The following SLC10A7 variants were observed in gnomAD, a reference collection of about 807,000 sequenced individuals.
SLC10A7 encodes solute carrier family 10 member 7, also known as sodium/bile acid cotransporter 7.
A neutral mutation model predicts 43.2 loss-of-function variants in SLC10A7; 29 were observed. The ratio of observed to expected loss-of-function variants is 0.67; its 90% CI spans 0.50 to 0.92. The LOEUF is 0.92. Among genes scored for constraint, SLC10A7 ranks in the 40% least tolerant of loss-of-function variants. The pLI is 0.00. For synonymous variants in SLC10A7, 152 were observed against 144.8 expected (o/e 1.05, Z -0.35); for missense variants, 295 against 403.2 (o/e 0.73, Z 2.30).
At chr4:146,349,386 G>C (rs1054714154) in intron 5 of SLC10A7, among the ~76,000 whole-genome samples, 8 of 152,182 alleles carry the variant, frequency 5.3e-5, no homozygotes, top group African/African-American at 1.7e-4. Flanking sequence ...GCAGGGAAAA[G>C]GGAACACTGG....
At chr4:146,441,457 G>A (rs760954091) in intron 5 of SLC10A7, among the ~76,000 whole-genome samples, 9 of 152,136 alleles carry the variant, frequency 5.9e-5, no homozygotes, top group Non-Finnish European at 1.2e-4. Flanking sequence ...CTAGACATCC[G>A]AAAGAATAAG....
chr4:146,512,210 G>A (rs1560983070), intron 2 of SLC10A7, among the ~76,000 whole-genome samples: 1 of 152,048 alleles, frequency 6.6e-6, no homozygotes. Context: ...CTGACCTCAG[G>A]TGATCCACCC....
chr4:146,305,867 A>G, intron 7 of SLC10A7, 59 bp downstream of exon 7: 1 of 1,417,452 alleles, frequency 7.1e-7, no homozygotes, highest in Non-Finnish European at 9.7e-7. Context: ...CTCTGACATT[A>G]TGTAAGATTT....
At chr4:146,455,735 G>T (rs549537512) in intron 4 of SLC10A7, among the ~76,000 whole-genome samples, 1 of 151,976 alleles carries the variant, frequency 6.6e-6, no homozygotes, top group South Asian at 2.1e-4. Context: ...ATCACAGATG[G>T]TGTCTACCTA....
intron 5 of SLC10A7, among the ~76,000 whole-genome samples, chr4:146,359,970 A>T (rs1449712461): frequency 3.3e-5 from 5 of 152,124 alleles, no homozygotes; most frequent in Non-Finnish European, 5.9e-5. Flanking sequence ...GTAATGACTC[A>T]TCCACAGCCA....
At chr4:146,512,624 T>C (rs1247907662) in intron 2 of SLC10A7, among the ~76,000 whole-genome samples, 1 of 152,198 alleles carries the variant, frequency 6.6e-6, no homozygotes, top group Non-Finnish European at 1.5e-5. Flanking sequence ...TGGCATAACC[T>C]ATAGAGAGCA....
At chr4:146,466,467 A>G (rs1011401589) in intron 4 of SLC10A7, among the ~76,000 whole-genome samples, 5 of 152,120 alleles carry the variant, frequency 3.3e-5, no homozygotes, top group African/African-American at 1.2e-4. Flanking sequence ...TCTTAACCAA[A>G]CTGAATTTCA....
intron 4 of SLC10A7, among the ~76,000 whole-genome samples, chr4:146,454,733 T>G (rs533401592): frequency 6.6e-6 from 1 of 151,868 alleles, no homozygotes; most frequent in East Asian, 1.9e-4. Flanking sequence ...AAAAATTGAA[T>G]GAATTGAAGA....
intron 7 of SLC10A7, among the ~76,000 whole-genome samples, chr4:146,301,750 G>A (rs1352822971): frequency 6.6e-6 from 1 of 152,138 alleles, no homozygotes; most frequent in Non-Finnish European, 1.5e-5. Context: ...GAGGAGGTAA[G>A]GCTAATTGGT....
intron 5 of SLC10A7, among the ~76,000 whole-genome samples, chr4:146,433,112 C>T (rs1729913782): frequency 6.6e-6 from 1 of 151,278 alleles, no homozygotes; most frequent in Non-Finnish European, 1.5e-5. Context: ...AATTAGAAGG[C>T]TAAAGACAGA....
Position 146,256,272 on chromosome 4 carries a change from C to G in SLC10A7, c.*219G>C. On this transcript the variant is annotated 3_prime_UTR_variant, in exon 12 of 12. Coordinates refer to ENST00000335472, the MANE Select transcript of SLC10A7 (RefSeq NM_001029998.6). The stretch of plus-strand genomic sequence containing the variant: ...CTGCATTAGGAAAGCAAAATTAACC[C>G]CCAAATATTGTACCACCCCTGGCAG... 1 of 562,758 alleles carries G rather than the reference C, an allele frequency of 1.8e-6. No individual in the cohort carries two copies. The highest frequency in any genetic ancestry group is 3.2e-6 in the Non-Finnish European group (1 of 317,340). The allele number at this position is 562,758 out of a possible 1,614,324, so 34.9% of individuals were successfully genotyped here. A position where few individuals can be genotyped will look rare whatever the true frequency, so the allele number is the denominator to read the frequency against.
chr4:146,308,481 T>C (rs1420314409), intron 6 of SLC10A7, among the ~76,000 whole-genome samples: 1 of 152,064 alleles, frequency 6.6e-6, no homozygotes, highest in Non-Finnish European at 1.5e-5. Context: ...CAAAACCCAA[T>C]CACTCTGCAT....
At chr4:146,326,098 C>A in intron 5 of SLC10A7, 102 bp from the exon 6 acceptor site, 1 of 914,874 alleles carries the variant, frequency 1.1e-6, no homozygotes, top group Non-Finnish European at 1.7e-6. Context: ...TATCTTCTCA[C>A]TGCTGTTTAA....
intron 4 of SLC10A7, among the ~76,000 whole-genome samples, chr4:146,454,906 T>A (rs1190918126): frequency 6.6e-6 from 1 of 151,928 alleles, no homozygotes; most frequent in Non-Finnish European, 1.5e-5. Context: ...TATCCATTAA[T>A]AGCTTATTGA....
Position 146,283,265 on chromosome 4 carries a change from C to A in SLC10A7, c.774G>T (p.Arg258Ser), listed in dbSNP as rs772494104. ...FMLLTFIFST[R>S]NNSGFTPADT... ...CTGCTGGTGTGAAACCCGAATTATTCCTAGGGGCAAAAAAAGATTTTGACA... is the reference window on the plus strand; with the variant it reads ...CTGCTGGTGTGAAACCCGAATTATTACTAGGGGCAAAAAAAGATTTTGACA... The change falls in exon 10 of 12, where the codon AGG (arginine) becomes AGT (serine). Residue 258 changes from arginine (R) to serine (S), a missense_variant and splice_region_variant. Arg to Ser is a moderately radical substitution (Grantham distance 110). Coordinates refer to ENST00000335472, the MANE Select transcript of SLC10A7 (RefSeq NM_001029998.6). The A allele has an allele frequency of 1.2e-6, 2 of 1,612,810 alleles. No homozygotes were observed. The highest frequency in any genetic ancestry group is 1.7e-6 in the Non-Finnish European group (2 of 1,179,242).
chr4:146,425,118 C>T (rs904844654), intron 5 of SLC10A7, among the ~76,000 whole-genome samples: 11 of 152,138 alleles, frequency 7.2e-5, no homozygotes, highest in African/African-American at 2.7e-4. Context: ...AGTATCTTAA[C>T]AACAGATCCC....
chr4:146,257,395 G>C (rs1280696120), intron 11 of SLC10A7, among the ~76,000 whole-genome samples: 1 of 152,148 alleles, frequency 6.6e-6, no homozygotes, highest in Non-Finnish European at 1.5e-5. Context: ...GTAGGATCCT[G>C]GGTGCCTAGG....
intron 5 of SLC10A7, among the ~76,000 whole-genome samples, chr4:146,328,603 C>G (rs1269916748): frequency 1.3e-5 from 2 of 152,204 alleles, no homozygotes; most frequent in Non-Finnish European, 2.9e-5. Flanking sequence ...GATAGGTCCA[C>G]TCTGCACTCC....
At chr4:146,288,946 C>T (rs1730220460) in intron 9 of SLC10A7, among the ~76,000 whole-genome samples, 1 of 152,094 alleles carries the variant, frequency 6.6e-6, no homozygotes, top group African/African-American at 2.4e-5. Context: ...ATTTTGCCTT[C>T]CTTTGCAGTA....
Sources: gnomAD v4.1 joint callset for allele counts (sites outside exome capture counted in the v4.1 genomes callset) on GRCh38, gnomAD v4.1.1 for gene constraint, MANE v1.5 for transcripts, NCBI Gene and HGNC (gene_info 2026-07-23, HGNC 2026-07-21) for gene names.